The following PCDHA9 variants were observed in gnomAD, a reference collection of about 807,000 sequenced individuals.
The protein encoded by PCDHA9 is protocadherin alpha 9.
A neutral mutation model predicts 62.0 loss-of-function variants in PCDHA9; 62 were observed. The ratio of observed to expected loss-of-function variants is 1.00; its 90% CI spans 0.81 to 1.23. The LOEUF is 1.23. Ranked by LOEUF, PCDHA9 falls within the 50% of genes most tolerant of loss-of-function variation. The probability of loss-of-function intolerance (pLI) is 0.00; values close to 1 mark genes in which losing one functional copy is unlikely to be tolerated. For synonymous variants in PCDHA9, 557 were observed against 567.6 expected (o/e 0.98, Z 0.27); for missense variants, 1,205 against 1,249.8 (o/e 0.96, Z 0.54).
At chr5:140,927,045 C>T (rs965998627) in intron 1 of PCDHA9, 8 of 1,612,136 alleles carry the variant, frequency 5.0e-6, no homozygotes, top group African/African-American at 1.3e-5. Flanking sequence ...CCGCTATGTC[C>T]TCGCGGAACT....
chr5:140,858,813 G>A, intron 1 of PCDHA9: 1 of 351,180 alleles, frequency 2.8e-6, no homozygotes, highest in South Asian at 3.4e-5. Flanking sequence ...ATTTTGATTT[G>A]ATTGTATTTG....
Position 140,870,808 on chromosome 5 carries a change from G to A in PCDHA9, c.2394+19919G>A, listed in dbSNP as rs368477795. 1.9e-5 allele frequency: 30 copies of A among 1,613,692 alleles called. No individual in the cohort carries two copies. The highest frequency in any genetic ancestry group is 3.3e-5 in the South Asian group (3 of 91,076). On this transcript the variant is annotated intron_variant, in intron 1 of 3. Coordinates refer to ENST00000532602, the MANE Select transcript of PCDHA9 (RefSeq NM_031857.2). ...CGCGCCGGCACTGCTGGCGACTCAGGCTGGCAGCGCGGGAGGCGCAGTTAA... is the reference window on the plus strand; with the variant it reads ...CGCGCCGGCACTGCTGGCGACTCAGACTGGCAGCGCGGGAGGCGCAGTTAA...
chr5:140,876,685 T>C, intron 1 of PCDHA9: 1 of 1,614,216 alleles, frequency 6.2e-7, no homozygotes, highest in Non-Finnish European at 8.5e-7. Flanking sequence ...CAAGAATTAC[T>C]ACTCGTTGGT....
At chr5:140,944,642 T>C (rs535941591) in intron 1 of PCDHA9, among the ~76,000 whole-genome samples, 35 of 152,342 alleles carry the variant, frequency 2.3e-4, no homozygotes, top group African/African-American at 7.9e-4. Context: ...CCAGTGTGGA[T>C]TGGGAGTCCA....
intron 1 of PCDHA9, among the ~76,000 whole-genome samples, chr5:140,924,825 G>A (rs1282051408): frequency 1.3e-5 from 2 of 151,514 alleles, no homozygotes; most frequent in African/African-American, 4.9e-5. Flanking sequence ...AACCTGGGAG[G>A]GGGAGGTTGC....
intron 3 of PCDHA9, among the ~76,000 whole-genome samples, chr5:140,982,826 T>C (rs193172264): frequency 1.1e-3 from 157 of 141,010 alleles, no homozygotes; most frequent in African/African-American, 3.0e-3. Context: ...GTTTTTGGGG[T>C]TTGTTTGTTT....
At position 141,001,385 on chromosome 5, in the gene PCDHA9, T is replaced by A. The variant is rs540420313; in HGVS notation, c.2543-8242T>A. 3.9e-5 allele frequency among the ~76,000 whole-genome samples: 6 copies of A among 152,316 alleles called. No homozygotes were observed. The East Asian group carries it at 1.2e-3, about 29-fold the overall frequency. ...ACTATTCTGATTACAGAGCCTAAGA[T>A]CCTACAGAGAACAGGGAGTATATTT... On this transcript the variant is annotated intron_variant, in intron 3 of 3. Transcript: ENST00000532602.
chr5:140,999,044 T>TTTC (rs1247197667), intron 3 of PCDHA9, among the ~76,000 whole-genome samples: 1 of 152,342 alleles, frequency 6.6e-6, no homozygotes, highest in East Asian at 1.9e-4. Flanking sequence ...TCCAGTGTGC[T>TTTC]TTCCACCATG....
chr5:140,950,917 A>G (rs1270492994), intron 1 of PCDHA9, among the ~76,000 whole-genome samples: 10 of 151,524 alleles, frequency 6.6e-5, no homozygotes, highest in African/African-American at 2.4e-4. Context: ...ATTTTATTTC[A>G]GTTCTTTTTC....
intron 2 of PCDHA9, 146 bp downstream of exon 2, chr5:140,979,153 G>A (rs2096837239): frequency 2.8e-6 from 4 of 1,434,028 alleles, no homozygotes; most frequent in Non-Finnish European, 2.7e-6. Context: ...TTGTCCCCAT[G>A]TTTATTCCTT....
At chr5:140,975,283 A>G (rs1554236730) in intron 1 of PCDHA9, among the ~76,000 whole-genome samples, 1 of 152,122 alleles carries the variant, frequency 6.6e-6, no homozygotes, top group Non-Finnish European at 1.5e-5. Context: ...TGACCTCTAG[A>G]CCCAGATTTA....
intron 1 of PCDHA9, chr5:140,851,337 C>A: frequency 1.0e-6 from 1 of 979,030 alleles, no homozygotes; most frequent in Non-Finnish European, 1.2e-6. Flanking sequence ...TAGTTCTCTA[C>A]ATTTCTCTGG....
intron 1 of PCDHA9, chr5:140,870,108 CTG>C (rs1455437240): frequency 6.2e-7 from 1 of 1,613,906 alleles, no homozygotes; most frequent in African/African-American, 1.3e-5. Flanking sequence ...ACTGTACAGT[CTG>C]GGTGGAAATC....
intron 1 of PCDHA9, among the ~76,000 whole-genome samples, chr5:140,960,713 A>C (rs1272219565): frequency 6.6e-6 from 1 of 150,862 alleles, no homozygotes; most frequent in Non-Finnish European, 1.5e-5. Context: ...CCAAATACTC[A>C]TCTTATTTTA....
chr5:140,982,795 A>ATGTG (rs60616196), intron 3 of PCDHA9, among the ~76,000 whole-genome samples: 1 of 151,628 alleles, frequency 6.6e-6, no homozygotes, highest in African/African-American at 2.4e-5. Context: ...GCATGTGTGC[A>ATGTG]TGTGTGTGTG....
At position 140,848,600 on chromosome 5, in the gene PCDHA9, C is replaced by CTA. The variant is rs2040492511; in HGVS notation, c.105_106insTA (p.Pro36TyrfsTer43). The CTA allele has an allele frequency of 6.3e-7, 1 of 1,593,634 alleles. No homozygotes were observed. Among genetic ancestry groups the CTA allele is most frequent in the Non-Finnish European group, 8.6e-7 (1 of 1,164,058 alleles). On this transcript the variant is annotated frameshift_variant, in exon 1 of 4. Transcript: ENST00000532602. LOFTEE classifies it high-confidence loss of function. The stretch of plus-strand genomic sequence containing the variant: ...GGAGCGGCCAGCTCCACTACTCCGT[C>CTA]CCGGAGGAAGCCGAACACGGCACCT...
intron 1 of PCDHA9, chr5:140,882,682 A>G (rs782727780): frequency 9.3e-6 from 15 of 1,614,080 alleles, no homozygotes; most frequent in Admixed American, 3.3e-5. Context: ...AAAGCAAGAA[A>G]CGAATAATCA....
chr5:140,858,515 C>G lies in PCDHA9; in HGVS notation c.2394+7626C>G, dbSNP rs1554151726. ...TTACCGCATTTTCTCAAATATGTAT[C>G]AGAATATTTCATTTTTGTCTACATT... On this transcript the variant is annotated intron_variant, in intron 1 of 3. Coordinates refer to ENST00000532602, the MANE Select transcript of PCDHA9 (RefSeq NM_031857.2). 2.8e-6 allele frequency: 4 copies of G among 1,415,980 alleles called. 1 individual carries two copies. The African/African-American group carries it at 5.7e-5, about 20-fold the overall frequency. 87.7% of individuals were successfully genotyped at this position (1,415,980 alleles called of 1,614,324 possible).
chr5:140,879,805 A>G (rs992856039), intron 1 of PCDHA9, among the ~76,000 whole-genome samples: 1 of 152,128 alleles, frequency 6.6e-6, no homozygotes, highest in Non-Finnish European at 1.5e-5. Flanking sequence ...TCCAGTTTCT[A>G]TTGGCTGTTG....
Sources: allele counts gnomAD v4.1 joint callset (sites outside exome capture counted in the v4.1 genomes callset), GRCh38; gene constraint gnomAD v4.1.1; transcripts MANE v1.5; gene names NCBI Gene and HGNC (gene_info 2026-07-23, HGNC 2026-07-21).